CCBE1: variants seen among roughly 807,000 people sequenced by gnomAD.
CCBE1 encodes the protein collagen and calcium binding EGF domains 1.
Under a neutral mutation model 50.0 loss-of-function variants are expected in CCBE1, and 37 were observed. The ratio of observed to expected loss-of-function variants is 0.74; its 90% CI spans 0.57 to 0.97. The LOEUF (loss-of-function observed/expected upper bound fraction) is 0.97, where lower values mean the gene tolerates loss of function less well. CCBE1 is among the 50% of genes least tolerant of loss of function. The pLI is 0.00. For missense variants in CCBE1, 538 were observed against 523.8 expected, an observed-to-expected ratio of 1.03 and a Z score of -0.26; for synonymous variants, 234 against 203.7, an observed-to-expected ratio of 1.15 and a Z score of -1.27.
chr18:59,471,141 A>C (rs28589620), intron 3 of CCBE1, among the ~76,000 whole-genome samples: 34,527 of 152,120 alleles, frequency 0.23, 4,527 homozygotes, highest in African/African-American at 0.34. Flanking sequence ...GCAGCTGGGA[A>C]GGGGAAGAAG....
At chr18:59,473,900 AC>A (rs1247151561) in intron 3 of CCBE1, among the ~76,000 whole-genome samples, 36 of 115,904 alleles carry the variant, frequency 3.1e-4, no homozygotes, top group African/African-American at 1.2e-3. Context: ...TCCTCCCCCT[AC>A]TACTAGTCTG....
chr18:59,521,128 A>G (rs1914580994), intron 2 of CCBE1, among the ~76,000 whole-genome samples: 1 of 152,244 alleles, frequency 6.6e-6, no homozygotes, highest in African/African-American at 2.4e-5. Flanking sequence ...CTCTTGTATT[A>G]TATATTTGCA....
intron 2 of CCBE1, among the ~76,000 whole-genome samples, chr18:59,693,904 G>T (rs1337743328): frequency 1.0e-5 from 1 of 96,696 alleles, no homozygotes; most frequent in Non-Finnish European, 1.8e-5. Context: ...ACAGAGTCTT[G>T]CTCTGTCACC....
chr18:59,517,887 T>C (rs1291499186), intron 2 of CCBE1, among the ~76,000 whole-genome samples: 1 of 152,184 alleles, frequency 6.6e-6, no homozygotes, highest in Middle Eastern at 3.2e-3. Context: ...GGGCTGGGGA[T>C]TCCCAAGATC....
intron 2 of CCBE1, among the ~76,000 whole-genome samples, chr18:59,489,912 A>G (rs998628675): frequency 5.3e-5 from 8 of 152,142 alleles, no homozygotes; most frequent in Admixed American, 6.5e-5. Flanking sequence ...CAAATTAAAA[A>G]AGGCTTGATA....
chr18:59,692,747 A>G (rs567091635), intron 2 of CCBE1, among the ~76,000 whole-genome samples: 1 of 152,168 alleles, frequency 6.6e-6, no homozygotes, highest in Non-Finnish European at 1.5e-5. Flanking sequence ...ACTATTTCCC[A>G]TGGGAACATT....
chr18:59,537,132 T>A (rs2851868), intron 2 of CCBE1, among the ~76,000 whole-genome samples: 5,482 of 152,242 alleles, frequency 0.036, 325 homozygotes, highest in African/African-American at 0.12. Flanking sequence ...AAGAACTATC[T>A]TTTGGGCTGG....
intron 2 of CCBE1, among the ~76,000 whole-genome samples, chr18:59,578,828 T>C (rs2053040679): frequency 6.6e-6 from 1 of 152,126 alleles, no homozygotes; most frequent in African/African-American, 2.4e-5. Flanking sequence ...AGGGATAGCA[T>C]TAGGAGAAAT....
At chr18:59,447,960 C>A in intron 7 of CCBE1, 23 bp downstream of exon 7, 5 of 1,613,928 alleles carry the variant, frequency 3.1e-6, no homozygotes, top group Non-Finnish European at 4.2e-6. Context: ...TGATCACCCT[C>A]CTGTGCCCTC....
At chr18:59,671,067 C>G (rs149327341) in intron 2 of CCBE1, among the ~76,000 whole-genome samples, 5 of 152,164 alleles carry the variant, frequency 3.3e-5, no homozygotes, top group African/African-American at 1.2e-4. Flanking sequence ...AAGCAAAGCT[C>G]GGCAAAGGAC....
intron 2 of CCBE1, among the ~76,000 whole-genome samples, chr18:59,527,479 C>T (rs971166615): frequency 6.6e-6 from 1 of 152,068 alleles, no homozygotes; most frequent in Non-Finnish European, 1.5e-5. Context: ...TTTATTGGGG[C>T]ATTTAGCTCA....
intron 2 of CCBE1, among the ~76,000 whole-genome samples, chr18:59,584,697 A>G (rs958898822): frequency 2.6e-5 from 4 of 152,104 alleles, no homozygotes; most frequent in African/African-American, 9.7e-5. Flanking sequence ...TCACCATGTA[A>G]GATGCCTGTT....
chr18:59,654,269 A>G (rs544833376), intron 2 of CCBE1, among the ~76,000 whole-genome samples: 87 of 152,348 alleles, frequency 5.7e-4, no homozygotes, highest in Non-Finnish European at 9.8e-4. Flanking sequence ...CCATGAAACA[A>G]AAGCCTACCC....
At chr18:59,580,130 A>C (rs1051236522) in intron 2 of CCBE1, among the ~76,000 whole-genome samples, 5 of 152,168 alleles carry the variant, frequency 3.3e-5, no homozygotes, top group African/African-American at 1.2e-4. Context: ...TACTAAGCTA[A>C]AGGGAAAATT....
chr18:59,443,960 T>G (rs911041311), intron 7 of CCBE1, among the ~76,000 whole-genome samples: 1 of 152,230 alleles, frequency 6.6e-6, no homozygotes, highest in African/African-American at 2.4e-5. Flanking sequence ...TTTAATTATT[T>G]TAGATACCTT....
At chr18:59,655,042 G>A (rs1369841706) in intron 2 of CCBE1, among the ~76,000 whole-genome samples, 3 of 141,132 alleles carry the variant, frequency 2.1e-5, no homozygotes, top group Non-Finnish European at 3.0e-5. Flanking sequence ...AACCAAGATC[G>A]CACCACTGCA....
At chr18:59,668,535 A>C (rs534434171) in intron 2 of CCBE1, among the ~76,000 whole-genome samples, 14 of 152,124 alleles carry the variant, frequency 9.2e-5, no homozygotes, top group Non-Finnish European at 1.3e-4. Flanking sequence ...GCATATTTTC[A>C]TCTCAGAAAA....
At chr18:59,497,209 T>G (rs1320390419) in intron 2 of CCBE1, among the ~76,000 whole-genome samples, 7 of 152,144 alleles carry the variant, frequency 4.6e-5, no homozygotes. Flanking sequence ...TTTATAATAG[T>G]TACGATGAAG....
intron 2 of CCBE1, among the ~76,000 whole-genome samples, chr18:59,677,147 C>CA (rs1273972320): frequency 1.3e-5 from 2 of 152,108 alleles, no homozygotes; most frequent in Non-Finnish European, 2.9e-5. Context: ...AGACAGGAAG[C>CA]AAAGAACAGT....
Sources: gnomAD v4.1 joint callset for allele counts (sites outside exome capture counted in the v4.1 genomes callset) on GRCh38, gnomAD v4.1.1 for gene constraint, MANE v1.5 for transcripts, NCBI Gene and HGNC (gene_info 2026-07-23, HGNC 2026-07-21) for gene names.